C12orf42: variants seen among roughly 807,000 people sequenced by gnomAD.
C12orf42 encodes the protein uncharacterized protein C12orf42.
Under a neutral mutation model 21.6 loss-of-function variants are expected in C12orf42, and 25 were observed. The ratio of observed to expected loss-of-function variants is 1.16; its 90% CI spans 0.84 to 1.62. The LOEUF (loss-of-function observed/expected upper bound fraction) is 1.62, where lower values mean the gene tolerates loss of function less well. Ranked by LOEUF, C12orf42 falls within the 40% of genes most tolerant of loss-of-function variation. The pLI, the probability that C12orf42 is intolerant of heterozygous loss-of-function variation, is 0.00. For missense variants in C12orf42, 483 were observed against 459.3 expected (o/e 1.05, Z -0.47); for synonymous variants, 174 against 175.0 (o/e 0.99, Z 0.05).
At chr12:103,434,828 G>A (rs1950552416) in intron 2 of C12orf42, among the ~76,000 whole-genome samples, 1 of 152,186 alleles carries the variant, frequency 6.6e-6, no homozygotes. Flanking sequence ...TGGGGGAGGG[G>A]CGACTGCCGT....
intron 2 of C12orf42, among the ~76,000 whole-genome samples, chr12:103,445,761 C>T (rs1269177851): frequency 1.3e-5 from 2 of 152,028 alleles, no homozygotes; most frequent in Non-Finnish European, 1.5e-5. Flanking sequence ...AAGTACTATA[C>T]TTATCAAGAC....
the C12orf42 span, among the ~76,000 whole-genome samples, chr12:103,519,313 T>C: frequency 1.3e-5 from 2 of 152,220 alleles, no homozygotes; most frequent in South Asian, 2.1e-4. Context: ...ATATTAGTCA[T>C]GTGTTGAGAG....
intron 2 of C12orf42, among the ~76,000 whole-genome samples, chr12:103,474,802 G>A (rs1279787445): frequency 6.6e-6 from 1 of 152,170 alleles, no homozygotes; most frequent in African/African-American, 2.4e-5. Context: ...AATCAACAGT[G>A]CTACATGTTC....
the C12orf42 span, among the ~76,000 whole-genome samples, chr12:103,510,510 A>G: frequency 6.6e-6 from 1 of 152,118 alleles, no homozygotes; most frequent in Admixed American, 6.6e-5. Flanking sequence ...CTATAGAAAT[A>G]AAAAATTATA....
At chr12:103,198,954 C>A in the C12orf42 span, among the ~76,000 whole-genome samples, 1 of 152,166 alleles carries the variant, frequency 6.6e-6, no homozygotes, top group Non-Finnish European at 1.5e-5. Flanking sequence ...GCTCCAATAG[C>A]AATTTTTAGA....
intron 5 of C12orf42, 87 bp from the exon 6 acceptor site, chr12:103,302,646 G>T: frequency 1.2e-5 from 12 of 1,019,402 alleles, no homozygotes; most frequent in Admixed American, 2.6e-5. Flanking sequence ...GGACGTCTGA[G>T]AAATCAACAT....
the C12orf42 span, among the ~76,000 whole-genome samples, chr12:103,547,181 T>C: frequency 1.3e-5 from 2 of 152,226 alleles, no homozygotes; most frequent in African/African-American, 4.8e-5. Context: ...GTATGTTTCC[T>C]TCCCATGTCT....
the C12orf42 span, among the ~76,000 whole-genome samples, chr12:103,193,414 TA>T: frequency 1.3e-3 from 198 of 147,510 alleles, no homozygotes; most frequent in Non-Finnish European, 2.2e-3. Flanking sequence ...AAATAAAGGA[TA>T]AAAAAAGGAA....
chr12:103,553,648 C>T, the C12orf42 span, among the ~76,000 whole-genome samples: 73 of 152,292 alleles, frequency 4.8e-4, no homozygotes, highest in African/African-American at 1.8e-3. Context: ...CCTAAATTCC[C>T]CTGATGCTTG....
rs894261318 is a variant in C12orf42 at position 103,254,797 on chromosome 12, T to C, written c.*1366+8529A>G. 3.3e-5 allele frequency among the ~76,000 whole-genome samples: 5 copies of C among 151,960 alleles called. No individual in the cohort carries two copies. The East Asian group carries it at 9.7e-4, about 29-fold the overall frequency. On this transcript the variant is annotated intron_variant and NMD_transcript_variant, in intron 10 of 10. Transcript: ENST00000547347. The stretch of plus-strand genomic sequence containing the variant: ...GGGGAAGGGAGACCATCAGGAAAAA[T>C]AGCTAACGCATTCTGGGCTGAATAC...
chr12:103,378,842 G>A (rs1289735826), intron 3 of C12orf42: 1 of 152,080 alleles, frequency 6.6e-6, no homozygotes, highest in African/African-American at 2.4e-5. Context: ...ATGTTTAAGT[G>A]AAAAAGCAAC....
At chr12:103,528,454 T>C in the C12orf42 span, among the ~76,000 whole-genome samples, 2 of 152,188 alleles carry the variant, frequency 1.3e-5, no homozygotes, top group Non-Finnish European at 2.9e-5. Context: ...TGGGGCCTAT[T>C]GGGAGGATTT....
the C12orf42 span, among the ~76,000 whole-genome samples, chr12:103,105,724 G>T: frequency 6.6e-6 from 1 of 152,184 alleles, no homozygotes; most frequent in Non-Finnish European, 1.5e-5. Context: ...ACAAGGTACG[G>T]CTTAAAATGT....
intron 2 of C12orf42, among the ~76,000 whole-genome samples, chr12:103,468,163 C>T (rs947749409): frequency 1.3e-5 from 2 of 152,208 alleles, no homozygotes; most frequent in Non-Finnish European, 1.5e-5. Flanking sequence ...TCAGCCTATA[C>T]AAATTTGTGT....
At chr12:103,124,922 T>G in the C12orf42 span, among the ~76,000 whole-genome samples, 1 of 152,182 alleles carries the variant, frequency 6.6e-6, no homozygotes, top group Non-Finnish European at 1.5e-5. Flanking sequence ...GTTGATCCTT[T>G]ATTGACCTTT....
chr12:103,524,883 T>C, the C12orf42 span, among the ~76,000 whole-genome samples: 16 of 145,764 alleles, frequency 1.1e-4, no homozygotes, highest in Non-Finnish European at 1.8e-4. Context: ...ATCAGAGTTA[T>C]CTTCTCCTGA....
downstream of C12orf42, among the ~76,000 whole-genome samples, chr12:103,234,758 G>A (rs748149403): frequency 6.6e-6 from 1 of 151,880 alleles, no homozygotes; most frequent in Non-Finnish European, 1.5e-5. Context: ...AACCCACCAG[G>A]TCCTTTATGA....
chr12:103,331,731 C>G (rs1478720146), intron 4 of C12orf42, among the ~76,000 whole-genome samples: 5 of 152,128 alleles, frequency 3.3e-5, no homozygotes, highest in Admixed American at 2.6e-4. Context: ...GACCACGCAG[C>G]GCGGCAGCCG....
At chr12:103,156,326 G>T in the C12orf42 span, 1 of 152,156 alleles carries the variant, frequency 6.6e-6, no homozygotes, top group African/African-American at 2.4e-5. Context: ...GTTGCATTTG[G>T]GGGTGGTAGT....
Sources: gnomAD v4.1 joint callset for allele counts (sites outside exome capture counted in the v4.1 genomes callset) on GRCh38, gnomAD v4.1.1 for gene constraint, MANE v1.5 for transcripts, NCBI Gene and HGNC (gene_info 2026-07-23, HGNC 2026-07-21) for gene names.